CTNNA3: variants seen among roughly 807,000 people sequenced by gnomAD.
The protein encoded by CTNNA3 is catenin alpha 3.
Under a neutral mutation model 95.7 loss-of-function variants are expected in CTNNA3, and 76 were observed. The observed-to-expected ratio is 0.79, with a 90% CI of 0.66 to 0.96. The LOEUF is 0.96. CTNNA3 is among the 40% of genes least tolerant of loss of function. The pLI, the probability that CTNNA3 is intolerant of heterozygous loss-of-function variation, is 0.00. For synonymous variants in CTNNA3, 431 were observed against 374.4 expected, an observed-to-expected ratio of 1.15 and a Z score of -1.74; for missense variants, 1,191 against 1,089.8, an observed-to-expected ratio of 1.09 and a Z score of -1.31.
chr10:66,572,643 G>A (rs1842903647), intron 10 of CTNNA3, among the ~76,000 whole-genome samples: 2 of 151,932 alleles, frequency 1.3e-5, no homozygotes, highest in Admixed American at 6.6e-5. Flanking sequence ...TTTAACTGGG[G>A]AGGAAAAAAG....
chr10:67,195,505 C>CGGGGGCG (rs1176819279), intron 6 of CTNNA3, among the ~76,000 whole-genome samples: 2 of 130,330 alleles, frequency 1.5e-5, no homozygotes, highest in Non-Finnish European at 3.2e-5. Context: ...GTTTTAATAT[C>CGGGGGCG]GGGGGCGGGG....
intron 11 of CTNNA3, among the ~76,000 whole-genome samples, chr10:66,420,248 A>G (rs2093180192): frequency 2.0e-5 from 3 of 152,200 alleles, no homozygotes; most frequent in Non-Finnish European, 4.4e-5. Flanking sequence ...CGAAAGGAAG[A>G]CATGCAAATG....
At chr10:66,928,675 T>C (rs1925577) in intron 7 of CTNNA3, among the ~76,000 whole-genome samples, 52,981 of 152,056 alleles carry the variant, frequency 0.35, 10,134 homozygotes, top group Non-Finnish European at 0.43. Flanking sequence ...CCACAATCAA[T>C]GTGAAGCTTG....
At chr10:66,425,071 A>C (rs1165043539) in intron 11 of CTNNA3, among the ~76,000 whole-genome samples, 2 of 151,448 alleles carry the variant, frequency 1.3e-5, no homozygotes, top group African/African-American at 2.4e-5. Flanking sequence ...TGAATTATAT[A>C]CTGTGTGGAT....
rs1858516858 is a variant in CTNNA3 at position 67,104,484 on chromosome 10, T to C, written c.1047+75833A>G. On this transcript the variant is annotated intron_variant, in intron 7 of 17. Coordinates refer to ENST00000433211, the MANE Select transcript of CTNNA3 (RefSeq NM_013266.4). ...TCCTTGTTTCATTACTTCGTGGAGA[T>C]GGACAAATAAAATTATTTTTTGAAA... Among the ~76,000 whole-genome samples, 7 of 152,072 alleles carry C rather than the reference T, an allele frequency of 4.6e-5. No individual in the cohort carries two copies. The South Asian group carries it at 1.4e-3, about 31-fold the overall frequency.
In CTNNA3 at chr10:66,148,849, A is replaced by T. The variant is rs902571036; in HGVS notation, c.1885-45600T>A. Among the ~76,000 whole-genome samples, 11 of 152,112 alleles carry T rather than the reference A, an allele frequency of 7.2e-5. No individual in the cohort carries two copies. In the South Asian group the frequency reaches 1.2e-3, roughly 17 times the overall value. ...ACTACTAGCTTTTAAAACTAAATATATATTTATATGCTATGTATATATGTA... is the reference window on the plus strand; with the variant it reads ...ACTACTAGCTTTTAAAACTAAATATTTATTTATATGCTATGTATATATGTA... On this transcript the variant is annotated intron_variant, in intron 13 of 17. Transcript: ENST00000433211.
intron 5 of CTNNA3, among the ~76,000 whole-genome samples, chr10:67,373,185 G>T (rs1360581923): frequency 6.6e-6 from 1 of 152,162 alleles, no homozygotes; most frequent in African/African-American, 2.4e-5. Context: ...CTGGCAAATT[G>T]GATAAAGAGT....
intron 5 of CTNNA3, among the ~76,000 whole-genome samples, chr10:67,516,485 AGTTC>A (rs878900038): frequency 6.6e-6 from 1 of 152,160 alleles, no homozygotes; most frequent in Admixed American, 6.5e-5. Flanking sequence ...GTATCCTCAG[AGTTC>A]TCAAGTTCCC....
intron 1 of CTNNA3, among the ~76,000 whole-genome samples, chr10:67,672,263 T>G (rs1840451564): frequency 1.3e-5 from 2 of 152,192 alleles, no homozygotes; most frequent in African/African-American, 4.8e-5. Context: ...GTATTAGCCC[T>G]TTGTCAGATG....
chr10:66,844,964 A>C (rs1843194608), intron 7 of CTNNA3, among the ~76,000 whole-genome samples: 1 of 152,220 alleles, frequency 6.6e-6, no homozygotes, highest in Non-Finnish European at 1.5e-5. Context: ...GGGTGGAATG[A>C]GAACAAGTAA....
chr10:67,351,935 T>C (rs538196552), intron 5 of CTNNA3, among the ~76,000 whole-genome samples: 66 of 152,156 alleles, frequency 4.3e-4, no homozygotes, highest in Admixed American at 7.9e-4. Context: ...TAACATTCCA[T>C]TTCCTGAAAA....
chr10:67,156,689 T>A (rs74565512), intron 7 of CTNNA3, among the ~76,000 whole-genome samples: 1 of 152,144 alleles, frequency 6.6e-6, no homozygotes, highest in African/African-American at 2.4e-5. Context: ...TTGTTGATAC[T>A]TGTTTTGTAA....
intron 13 of CTNNA3, among the ~76,000 whole-genome samples, chr10:66,188,221 C>G (rs1173046357): frequency 6.6e-6 from 1 of 152,032 alleles, no homozygotes; most frequent in Non-Finnish European, 1.5e-5. Context: ...GGAAAATGAA[C>G]AGAGTGCCCC....
chr10:66,776,920 T>C (rs7901166), intron 7 of CTNNA3, among the ~76,000 whole-genome samples: 25,411 of 152,176 alleles, frequency 0.17, 2,779 homozygotes, highest in Non-Finnish European at 0.23. Context: ...ATAGGACTTA[T>C]CAAATAGAGT....
intron 3 of CTNNA3, among the ~76,000 whole-genome samples, chr10:67,554,803 G>T (rs1841173798): frequency 6.6e-6 from 1 of 152,118 alleles, no homozygotes; most frequent in East Asian, 1.9e-4. Flanking sequence ...CATTGCTTTT[G>T]GTGTTTTAGA....
chr10:66,604,958 A>G (rs553244960), intron 10 of CTNNA3, among the ~76,000 whole-genome samples: 7 of 152,278 alleles, frequency 4.6e-5, no homozygotes, highest in Admixed American at 4.6e-4. Context: ...AACTGGGCTG[A>G]GATGGCGGAA....
intron 5 of CTNNA3, among the ~76,000 whole-genome samples, chr10:67,419,276 A>G (rs1218418627): frequency 6.6e-6 from 1 of 152,244 alleles, no homozygotes. Context: ...ATAATTAGAT[A>G]GGACAATACA....
intron 5 of CTNNA3, among the ~76,000 whole-genome samples, chr10:67,349,802 T>C (rs1235321256): frequency 6.6e-6 from 1 of 152,170 alleles, no homozygotes; most frequent in African/African-American, 2.4e-5. Context: ...TGCTAATTGA[T>C]TTCCTCCAAC....
chr10:67,304,083 C>T (rs1197912080), intron 5 of CTNNA3, among the ~76,000 whole-genome samples: 1 of 152,194 alleles, frequency 6.6e-6, no homozygotes, highest in African/African-American at 2.4e-5. Flanking sequence ...CTTTAACATT[C>T]GCATTGCCTT....
Sources: allele counts gnomAD v4.1 joint callset (sites outside exome capture counted in the v4.1 genomes callset), GRCh38; gene constraint gnomAD v4.1.1; transcripts MANE v1.5; gene names NCBI Gene and HGNC (gene_info 2026-07-23, HGNC 2026-07-21).